MAML3: variants seen among roughly 807,000 people sequenced by gnomAD.
The protein encoded by MAML3 is mastermind like transcriptional coactivator 3.
Under a neutral mutation model 101.9 loss-of-function variants are expected in MAML3, and 27 were observed. That is an observed-to-expected ratio of 0.27 (90% confidence interval 0.20 to 0.37). The LOEUF (loss-of-function observed/expected upper bound fraction) is 0.37. MAML3 is among the 10% of genes least tolerant of loss of function. MAML3 has a pLI of 1.00. For missense variants in MAML3, 1,316 were observed against 1,444.9 expected (o/e 0.91, Z 1.45); for synonymous variants, 501 against 555.9 (o/e 0.90, Z 1.39).
chr4:139,832,805 C>T (rs1731192359), intron 2 of MAML3, among the ~76,000 whole-genome samples: 1 of 152,186 alleles, frequency 6.6e-6, no homozygotes, highest in Non-Finnish European at 1.5e-5. Context: ...AACAAATGAA[C>T]TCAATGGTTA....
At chr4:139,787,957 A>G (rs958946053) in intron 2 of MAML3, among the ~76,000 whole-genome samples, 2 of 152,216 alleles carry the variant, frequency 1.3e-5, no homozygotes, top group African/African-American at 4.8e-5. Context: ...TTTGCCATCT[A>G]TTCTTGTTAC....
Position 139,909,836 on chromosome 4 carries a change from C to CAAAAAA in MAML3, c.469-18875_469-18870dup, listed in dbSNP as rs11379402. On this transcript the variant is annotated intron_variant, in intron 1 of 4. Transcript: ENST00000509479. ...TGGGCCACAGAGTGCGATGCCGTCTCAAAAAAAAAAAAAAAAAAAAAAGAT... is the reference window on the plus strand; with the variant it reads ...TGGGCCACAGAGTGCGATGCCGTCTCAAAAAAAAAAAAAAAAAAAAAAAAAAAAGAT... Among the ~76,000 whole-genome samples the CAAAAAA allele has an allele frequency of 6.5e-3, 377 of 58,398 alleles. 25 individuals carry two copies. Among genetic ancestry groups the CAAAAAA allele is most frequent in the East Asian group, 9.2e-3 (18 of 1,960 alleles). The allele number at this position is 58,398 out of a possible 152,430, so 38.3% of individuals were successfully genotyped here.
intron 2 of MAML3, among the ~76,000 whole-genome samples, chr4:139,815,675 T>A (rs1730879982): frequency 1.3e-5 from 2 of 152,174 alleles, no homozygotes; most frequent in Non-Finnish European, 2.9e-5. Context: ...TTAAAGGTAC[T>A]ACTACTACTA....
intron 1 of MAML3, among the ~76,000 whole-genome samples, chr4:140,078,036 T>A (rs540328368): frequency 5.6e-4 from 85 of 151,138 alleles, no homozygotes; most frequent in African/African-American, 1.7e-3. Flanking sequence ...AAAAAATAAA[T>A]AAATAAATAA....
chr4:139,790,928 A>G (rs1348152417), intron 2 of MAML3, among the ~76,000 whole-genome samples: 3 of 152,174 alleles, frequency 2.0e-5, no homozygotes, highest in Non-Finnish European at 4.4e-5. Context: ...AAACCTGAAA[A>G]TTTTTATAGT....
intron 1 of MAML3, among the ~76,000 whole-genome samples, chr4:140,077,611 C>T (rs941732209): frequency 6.6e-6 from 1 of 152,104 alleles, no homozygotes; most frequent in Non-Finnish European, 1.5e-5. Context: ...CTTACAGTTG[C>T]GGTGGGGTTT....
intron 1 of MAML3, among the ~76,000 whole-genome samples, chr4:140,123,772 A>G (rs1258990858): frequency 2.0e-5 from 3 of 152,198 alleles, no homozygotes; most frequent in Non-Finnish European, 4.4e-5. Flanking sequence ...TTGTGTAGGC[A>G]GGTGCTGCAT....
intron 1 of MAML3, among the ~76,000 whole-genome samples, chr4:139,973,766 T>C (rs1560853835): frequency 1.3e-5 from 2 of 152,160 alleles, no homozygotes; most frequent in Non-Finnish European, 2.9e-5. Flanking sequence ...GCTGCCACAA[T>C]TGTCTCTCCC....
At chr4:139,746,717 C>T (rs1176714273) in intron 2 of MAML3, among the ~76,000 whole-genome samples, 1 of 152,182 alleles carries the variant, frequency 6.6e-6, no homozygotes, top group Admixed American at 6.5e-5. Flanking sequence ...CCTTTCACCT[C>T]CCCCCTTCTC....
intron 1 of MAML3, among the ~76,000 whole-genome samples, chr4:140,048,023 T>C (rs1324814098): frequency 1.3e-5 from 2 of 152,100 alleles, no homozygotes; most frequent in Non-Finnish European, 2.9e-5. Context: ...CCCACATACT[T>C]CCTTTAAATG....
At chr4:140,099,586 C>T (rs964979388) in intron 1 of MAML3, among the ~76,000 whole-genome samples, 15 of 152,122 alleles carry the variant, frequency 9.9e-5, no homozygotes, top group African/African-American at 3.4e-4. Context: ...ACATGCTTGG[C>T]TCTGAATCTC....
chr4:140,049,124 C>A (rs542787818), intron 1 of MAML3, among the ~76,000 whole-genome samples: 4 of 152,094 alleles, frequency 2.6e-5, no homozygotes, highest in Non-Finnish European at 5.9e-5. Flanking sequence ...TGTGATTGCA[C>A]AAGAGAAGCT....
rs186102287 is a variant in MAML3 at position 139,793,192 on chromosome 4, A to C, written c.2080-62525T>G. On this transcript the variant is annotated intron_variant, in intron 2 of 4. Transcript: ENST00000509479. Reference sequence around the variant, plus strand: ...ATGCTCTTGAGCCACACCTCCCTCCAGCCCCTCTACCTTAAATTTAGAGTT... The same window carrying C: ...ATGCTCTTGAGCCACACCTCCCTCCCGCCCCTCTACCTTAAATTTAGAGTT... Among the ~76,000 whole-genome samples the C allele has an allele frequency of 2.0e-3, 308 of 152,276 alleles. 1 individual carries two copies. Among genetic ancestry groups the C allele is most frequent in the Admixed American group, 2.7e-3 (41 of 15,296 alleles).
intron 1 of MAML3, among the ~76,000 whole-genome samples, chr4:139,926,750 C>T (rs543660627): frequency 6.6e-6 from 1 of 152,334 alleles, no homozygotes; most frequent in African/African-American, 2.4e-5. Context: ...CTTCACACCA[C>T]TTCCCTCAAG....
At position 139,879,197 on chromosome 4, in the gene MAML3, G is replaced by C. The variant is rs1000587559; in HGVS notation, c.2079+10160C>G. Among the ~76,000 whole-genome samples the C allele has an allele frequency of 6.6e-5, 10 of 152,112 alleles. 1 individual carries two copies. Among genetic ancestry groups the C allele is most frequent in the African/African-American group, 2.4e-4 (10 of 41,384 alleles). On this transcript the variant is annotated intron_variant, in intron 2 of 4. Coordinates refer to ENST00000509479, the MANE Select transcript of MAML3 (RefSeq NM_018717.5). ...TGTTTGTTTGTTTTGCGCCCAGCCC[G>C]CAGTGTTATCTTATGTACTATTTCT...
chr4:139,942,195 CAGGCAGGCAGGCAGGA>C (rs1295494723), intron 1 of MAML3, among the ~76,000 whole-genome samples: 9 of 151,684 alleles, frequency 5.9e-5, no homozygotes, highest in Admixed American at 2.0e-4. Flanking sequence ...GGCAGGCAGG[CAGGCAGGCAGGCAGGA>C]AGGAAGACAT....
intron 2 of MAML3, among the ~76,000 whole-genome samples, chr4:139,775,678 A>C (rs756036300): frequency 1.2e-4 from 19 of 152,072 alleles, no homozygotes; most frequent in Non-Finnish European, 2.5e-4. Flanking sequence ...TCAGGTTTGC[A>C]TTTTATTTTC....
At chr4:139,824,139 C>T (rs1462942865) in intron 2 of MAML3, among the ~76,000 whole-genome samples, 3 of 152,158 alleles carry the variant, frequency 2.0e-5, no homozygotes, top group African/African-American at 7.2e-5. Context: ...ACCCCACCCC[C>T]AGCTTGGAAT....
At chr4:140,026,793 TC>T (rs1389596402) in intron 1 of MAML3, among the ~76,000 whole-genome samples, 1 of 152,156 alleles carries the variant, frequency 6.6e-6, no homozygotes, top group Non-Finnish European at 1.5e-5. Context: ...TTTTTCCTGT[TC>T]TAATTCCGCA....
Sources: allele counts gnomAD v4.1 joint callset (sites outside exome capture counted in the v4.1 genomes callset), GRCh38; gene constraint gnomAD v4.1.1; transcripts MANE v1.5; gene names NCBI Gene and HGNC (gene_info 2026-07-23, HGNC 2026-07-21).